DSG3: variants seen among roughly 807,000 people sequenced by gnomAD.
The protein encoded by DSG3 is desmoglein-3.
Under a neutral mutation model 85.9 loss-of-function variants are expected in DSG3, and 63 were observed. The observed-to-expected ratio is 0.73, with a 90% CI of 0.60 to 0.90. DSG3 has a LOEUF of 0.90. Among genes scored for constraint, DSG3 ranks in the 40% least tolerant of loss-of-function variants. The pLI, the probability that DSG3 is intolerant of heterozygous loss-of-function variation, is 0.00. For missense variants in DSG3, 1,220 were observed against 1,219.9 expected (o/e 1.00, Z 0.00); for synonymous variants, 447 against 441.9 (o/e 1.01, Z -0.14).
intron 3 of DSG3, among the ~76,000 whole-genome samples, chr18:31,457,527 C>A (rs936235967): frequency 2.3e-5 from 3 of 131,276 alleles, no homozygotes; most frequent in African/African-American, 1.1e-4. Context: ...TATTCTCTTT[C>A]TTTCTTTCTT....
In DSG3 at chr18:31,475,798, G is replaced by C; in HGVS notation, c.2538G>C (p.Leu846Phe). The C allele has an allele frequency of 1.2e-6, 2 of 1,614,144 alleles. No homozygotes were observed. The highest frequency in any genetic ancestry group is 1.7e-6 in the Non-Finnish European group (2 of 1,180,034). Residue 846 changes from leucine to phenylalanine, a missense_variant, in exon 16 of 16, where the codon TTG becomes TTC. Transcript: ENST00000257189. ...CTGATGACCTGGATGACAGCTTCTT[G>C]GACTCACTTGGACCCAAATTTAAAA... is the stretch of plus-strand genomic sequence containing the variant. ...FIADDLDDSF[L>F]DSLGPKFKKL...
In DSG3 at chr18:31,476,503, A is replaced by G. The variant is rs1403188273; in HGVS notation, c.*243A>G. ...TCTTAAAGTTTTTCAAAACCCTAAAATCATATTCGCCAGGAAATTTTCCTA... is the reference window on the plus strand; with the variant it reads ...TCTTAAAGTTTTTCAAAACCCTAAAGTCATATTCGCCAGGAAATTTTCCTA... On this transcript the variant is annotated 3_prime_UTR_variant, in exon 16 of 16. Transcript: ENST00000257189. 4 of 384,908 alleles carry G rather than the reference A, an allele frequency of 1.0e-5. No individual in the cohort carries two copies. The highest frequency in any genetic ancestry group is 1.8e-5 in the Non-Finnish European group (4 of 220,448). The allele number at this position is 384,908 out of a possible 1,614,324, so 23.8% of individuals were successfully genotyped here.
chr18:31,458,468 C>T lies in DSG3; in HGVS notation c.240C>T (p.Thr80=), dbSNP rs2072762841. The T allele has an allele frequency of 6.2e-7, 1 of 1,613,890 alleles. No homozygotes were observed. Among genetic ancestry groups the T allele is most frequent in the African/African-American group, 1.3e-5 (1 of 75,018 alleles). The stretch of plus-strand genomic sequence containing the variant: ...AGATTACTTCAGATTACCAAGCAAC[C>T]CAGAAAATCACCTACCGAATCTCTG... The part of the protein sequence containing the change: ...IAKITSDYQA[T]QKITYRISGV... Residue 80 remains threonine (T), a synonymous_variant, in exon 4 of 16, where the codon ACC becomes ACT. Transcript: ENST00000257189.
At chr18:31,463,796 G>A (rs2072800187) in intron 8 of DSG3, among the ~76,000 whole-genome samples, 1 of 152,146 alleles carries the variant, frequency 6.6e-6, no homozygotes, top group African/African-American at 2.4e-5. Flanking sequence ...CTATTAAGCA[G>A]CAGAACCAGG....
rs2072705339 is a variant in DSG3, at chr18:31,450,535, T to C, written c.48+2610T>C. Among the ~76,000 whole-genome samples the C allele has an allele frequency of 2.0e-5, 3 of 152,218 alleles. No homozygotes were observed. The South Asian group carries it at 6.2e-4, about 32-fold the overall frequency. On this transcript the variant is annotated intron_variant, in intron 1 of 15. Coordinates refer to ENST00000257189, the MANE Select transcript of DSG3 (RefSeq NM_001944.3). ...GCATTCTCAAGTGGGAATGCTCATTTTTTGTTGTTGCAGGGTGGGTTCTGA... is the reference window on the plus strand; with the variant it reads ...GCATTCTCAAGTGGGAATGCTCATTCTTTGTTGTTGCAGGGTGGGTTCTGA...
Position 31,465,343 on chromosome 18 carries a change from G to A in DSG3, c.1297G>A (p.Gly433Arg). ...ATATGTCATGGGACGTAACGATGGT[G>A]GATACCTAATGATTGATTCAAAAAC... ...VKYVMGRNDG[G>R]YLMIDSKTAE... Residue 433 changes from glycine to arginine, a missense_variant, in exon 10 of 16, where the codon GGA becomes AGA. Gly to Arg is a moderately radical substitution (Grantham distance 125). Coordinates refer to ENST00000257189, the MANE Select transcript of DSG3 (RefSeq NM_001944.3). The A allele has an allele frequency of 6.6e-7, 1 of 1,505,342 alleles. No homozygotes were observed. Among genetic ancestry groups the A allele is most frequent in the Non-Finnish European group, 8.9e-7 (1 of 1,125,910 alleles). 93.2% of individuals were successfully genotyped at this position (1,505,342 alleles called of 1,614,324 possible).
rs2072902298 is a variant in DSG3 at position 31,478,397 on chromosome 18, T to C, written c.*2137T>C. On this transcript the variant is annotated 3_prime_UTR_variant, in exon 16 of 16. Transcript: ENST00000257189. ...GCTTAAAACCCAATTTACCGTGAAATGGGAATTTTGCTGCATTGTTAAACT... is the reference window on the plus strand; with the variant it reads ...GCTTAAAACCCAATTTACCGTGAAACGGGAATTTTGCTGCATTGTTAAACT... 6.6e-6 allele frequency: 1 copy of C among 152,124 alleles called. No homozygotes were observed. Among genetic ancestry groups the C allele is most frequent in the African/African-American group, 2.4e-5 (1 of 41,418 alleles). 9.4% of individuals were successfully genotyped at this position (152,124 alleles called of 1,614,324 possible). A position where few individuals can be genotyped will look rare whatever the true frequency, so the allele number is the denominator to read the frequency against.
At chr18:31,468,413 G>A (rs978513379) in intron 11 of DSG3, among the ~76,000 whole-genome samples, 1 of 152,192 alleles carries the variant, frequency 6.6e-6, no homozygotes, top group African/African-American at 2.4e-5. Flanking sequence ...CCCCAGAAGA[G>A]GAGTACCTGA....
At chr18:31,465,553 C>A in intron 10 of DSG3, 96 bp downstream of exon 10, 1 of 1,124,106 alleles carries the variant, frequency 8.9e-7, no homozygotes, top group Non-Finnish European at 1.2e-6. Flanking sequence ...ATTATCTTTA[C>A]CACTGGAGAG....
chr18:31,466,557 C>T lies in DSG3; in HGVS notation c.1439C>T (p.Thr480Met), dbSNP rs749070413. 1.8e-5 allele frequency: 29 copies of T among 1,614,052 alleles called. No homozygotes were observed. The highest frequency in any genetic ancestry group is 2.2e-5 in the East Asian group (1 of 44,894). The change falls in exon 11 of 16, where the codon ACG becomes ATG. Residue 480 changes from threonine (T) to methionine (M), a missense_variant. Coordinates refer to ENST00000257189, the MANE Select transcript of DSG3 (RefSeq NM_001944.3). ...TACACGGGTAAAACTTCTACAGGCA[C>T]GGTATATGTTAGAGTACCCGATTTC... ...DEYTGKTSTG[T>M]VYVRVPDFND...
intron 1 of DSG3, among the ~76,000 whole-genome samples, chr18:31,451,118 T>C (rs1322723538): frequency 1.3e-5 from 2 of 152,178 alleles, no homozygotes; most frequent in African/African-American, 4.8e-5. Flanking sequence ...GTTTGATCCA[T>C]TTTATGCAAC....
At position 31,464,177 on chromosome 18, in the gene DSG3, C is replaced by G. The variant is rs759714163; in HGVS notation, c.1066C>G (p.His356Asp). The G allele has an allele frequency of 1.4e-5, 23 of 1,613,966 alleles. No homozygotes were observed. In the Admixed American group the frequency reaches 2.0e-4, roughly 14 times the overall value. Residue 356 changes from histidine (H) to aspartate (D), a missense_variant, in exon 9 of 16, where the codon CAC becomes GAC. Physicochemically the swap from His to Asp is moderately conservative, Grantham distance 81. Transcript: ENST00000257189. The stretch of plus-strand genomic sequence containing the variant: ...TGCTGTCAAAAACAAAGCTGAATTT[C>G]ACCAATCAGTTATCTCTCGATACCG... ...SIAVKNKAEF[H>D]QSVISRYRVQ...
rs907297455 is a variant in DSG3, at chr18:31,478,338, G to A, written c.*2078G>A. On this transcript the variant is annotated 3_prime_UTR_variant, in exon 16 of 16. Transcript: ENST00000257189. ...TAACCTTCATTTGAAGTTCAAAGGT[G>A]TATTCAGGATCCTCAAAGCATTTTA... The A allele has an allele frequency of 6.6e-6, 1 of 152,166 alleles. No homozygotes were observed. Among genetic ancestry groups the A allele is most frequent in the African/African-American group, 2.4e-5 (1 of 41,436 alleles). 9.4% of individuals were successfully genotyped at this position (152,166 alleles called of 1,614,324 possible).
intron 4 of DSG3, 40 bp downstream of exon 4, chr18:31,458,640 G>C (rs765342878): frequency 6.3e-7 from 1 of 1,582,276 alleles, no homozygotes; most frequent in Non-Finnish European, 8.6e-7. Flanking sequence ...CCTTCTCCTT[G>C]TATACCATCG....
intron 14 of DSG3, among the ~76,000 whole-genome samples, chr18:31,473,781 T>A (rs1302813881): frequency 6.6e-6 from 1 of 152,218 alleles, no homozygotes. Flanking sequence ...AACTATAATG[T>A]TTTTTCGTGA....
At chr18:31,457,519 TTC>T (rs979051434) in intron 3 of DSG3, among the ~76,000 whole-genome samples, 1 of 146,190 alleles carries the variant, frequency 6.8e-6, no homozygotes, top group African/African-American at 2.7e-5. Context: ...TATTATACTA[TTC>T]TCTTTCTTTC....
intron 8 of DSG3, among the ~76,000 whole-genome samples, chr18:31,463,261 C>T (rs2072797192): frequency 6.6e-6 from 1 of 152,096 alleles, no homozygotes; most frequent in African/African-American, 2.4e-5. Context: ...TGCCTCTTAC[C>T]CCTTGTATTA....
chr18:31,454,694 A>G (rs1460271871), intron 1 of DSG3, among the ~76,000 whole-genome samples: 1 of 131,086 alleles, frequency 7.6e-6, no homozygotes, highest in Non-Finnish European at 1.6e-5. Flanking sequence ...TTTTCTCTTT[A>G]TGACAACTTT....
Position 31,476,004 on chromosome 18 carries a change from C to G in DSG3, c.2744C>G (p.Ser915Cys), listed in dbSNP as rs763571253. 2.2e-5 allele frequency: 35 copies of G among 1,614,106 alleles called. No homozygotes were observed. The Middle Eastern group carries it at 6.6e-4, about 30-fold the overall frequency. The change falls in exon 16 of 16, where the codon TCT becomes TGT. Residue 915 changes from serine to cysteine, a missense_variant. Ser to Cys is a moderately radical substitution (Grantham distance 112). Transcript: ENST00000257189. ...QGASALSTSG[S>C]VQPAVSIPDP... ...GCTTCTGCTTTGTCCACCTCTGGGT[C>G]TGTCCAGCCAGCTGTTTCCATCCCT...
Sources: allele counts gnomAD v4.1 joint callset (sites outside exome capture counted in the v4.1 genomes callset), GRCh38; gene constraint gnomAD v4.1.1; transcripts MANE v1.5; gene names NCBI Gene and HGNC (gene_info 2026-07-23, HGNC 2026-07-21).